The following ESPNL variants were observed in gnomAD, a reference collection of about 807,000 sequenced individuals.
ESPNL encodes espin-like protein.
In ESPNL, 49 loss-of-function variants were observed where a neutral mutation model predicts 46.8. That is an observed-to-expected ratio of 1.05 (90% CI 0.83 to 1.33). The LOEUF (loss-of-function observed/expected upper bound fraction) is 1.33, where lower values mean the gene tolerates loss of function less well. Ranked by LOEUF, ESPNL falls within the 40% of genes most tolerant of loss-of-function variation. The pLI is 0.00. For synonymous variants in ESPNL, 664 were observed against 662.1 expected (o/e 1.00, Z -0.04); for missense variants, 1,540 against 1,436.6 (o/e 1.07, Z -1.16).
intron 3 of ESPNL, among the ~76,000 whole-genome samples, chr2:238,106,344 CG>C (rs1691598806): frequency 1.3e-5 from 2 of 152,164 alleles, no homozygotes; most frequent in Admixed American, 1.3e-4. Context: ...ACCGTGTCCC[CG>C]GGCGCTCGGG....
chr2:238,106,111 C>T (rs973435264), intron 3 of ESPNL, among the ~76,000 whole-genome samples: 3 of 152,232 alleles, frequency 2.0e-5, no homozygotes, highest in Non-Finnish European at 4.4e-5. Context: ...TGACTCCTGG[C>T]CTTGGTGGTG....
At chr2:238,120,033 T>G (rs755481113) in intron 5 of ESPNL, among the ~76,000 whole-genome samples, 1 of 152,186 alleles carries the variant, frequency 6.6e-6, no homozygotes. Flanking sequence ...TTTTCCCTGG[T>G]GCAGCAGTTT....
At chr2:238,106,133 C>A (rs2106465283) in intron 3 of ESPNL, among the ~76,000 whole-genome samples, 1 of 152,354 alleles carries the variant, frequency 6.6e-6, no homozygotes, top group South Asian at 2.1e-4. Context: ...TTTCCACCAG[C>A]CGGCGTGTAG....
chr2:238,118,325 TGG>T (rs1691868436), intron 5 of ESPNL, among the ~76,000 whole-genome samples: 1 of 70,702 alleles, frequency 1.4e-5, no homozygotes, highest in African/African-American at 5.2e-5. Context: ...GGAGGGTGGG[TGG>T]AGAAGGTGGA....
rs141605283 is a variant in ESPNL at position 238,127,807 on chromosome 2, C to A, written c.1215+73C>A. ...CCTCCATTCCCATCCTCTTAGGGGCCCAGAGAAGCCCCCAGCACAGCCAGG... is the reference window on the plus strand; with the variant it reads ...CCTCCATTCCCATCCTCTTAGGGGCACAGAGAAGCCCCCAGCACAGCCAGG... On this transcript the variant is annotated intron_variant, in intron 7 of 8. Coordinates refer to ENST00000343063, the MANE Select transcript of ESPNL (RefSeq NM_194312.4). 9.3e-4 allele frequency: 1,086 copies of A among 1,166,094 alleles called. 7 individuals carry two copies. The African/African-American group carries it at 0.012, about 13-fold the overall frequency. The allele number at this position is 1,166,094 out of a possible 1,614,324, so 72.2% of individuals were successfully genotyped here.
At chr2:238,119,543 GAGGAGGTGGATGA>G (rs1559264082) in intron 5 of ESPNL, among the ~76,000 whole-genome samples, 1 of 119,202 alleles carries the variant, frequency 8.4e-6, no homozygotes, top group East Asian at 3.0e-4. Context: ...GAGGTGGATG[GAGGAGGTGGATGA>G]AGGAGGAATG....
At chr2:238,125,154 C>T (rs1018967671) in intron 5 of ESPNL, 116 bp from the exon 6 acceptor site, 3 of 535,458 alleles carry the variant, frequency 5.6e-6, no homozygotes, top group Non-Finnish European at 1.0e-5. Context: ...CTGTCCCAGC[C>T]CTTCTCAGAT....
chr2:238,129,073 A>G (rs1692216363), intron 8 of ESPNL, 169 bp downstream of exon 8: 3 of 1,429,500 alleles, frequency 2.1e-6, no homozygotes, highest in South Asian at 3.0e-5. Flanking sequence ...GAACCTGACC[A>G]GAGGACTCTG....
At chr2:238,104,234 G>A (rs1017910313) in intron 2 of ESPNL, among the ~76,000 whole-genome samples, 8 of 152,228 alleles carry the variant, frequency 5.3e-5, no homozygotes, top group East Asian at 1.9e-4. Context: ...CCTCCACGCC[G>A]CCACTGTGAC....
chr2:238,101,711 AG>A (rs1691482000), intron 1 of ESPNL, among the ~76,000 whole-genome samples: 1 of 152,176 alleles, frequency 6.6e-6, no homozygotes, highest in Admixed American at 6.5e-5. Context: ...GGGTTGCCAG[AG>A]GTGGCCTCCC....
chr2:238,108,030 T>G, intron 4 of ESPNL, 57 bp downstream of exon 4: 1 of 1,514,112 alleles, frequency 6.6e-7, no homozygotes, highest in Non-Finnish European at 9.0e-7. Flanking sequence ...CCATGCCCAG[T>G]GCTGTGTCAC....
Position 238,130,115 on chromosome 2 carries a change from T to C in ESPNL, c.1414-13T>C, listed in dbSNP as rs1206177023. ...TGGGCTCACCCTGCTCACCCTGCCC[T>C]TCCTGTGCCCAGGACAATGGTGGGA... On this transcript the variant is annotated splice_polypyrimidine_tract_variant and intron_variant, in intron 8 of 8. Coordinates refer to ENST00000343063, the MANE Select transcript of ESPNL (RefSeq NM_194312.4). The C allele has an allele frequency of 6.2e-7, 1 of 1,600,538 alleles. No individual in the cohort carries two copies. Among genetic ancestry groups the C allele is most frequent in the Non-Finnish European group, 8.5e-7 (1 of 1,171,202 alleles).
intron 6 of ESPNL, among the ~76,000 whole-genome samples, chr2:238,126,944 TCA>T: frequency 6.7e-5 from 3 of 44,616 alleles, no homozygotes; most frequent in Non-Finnish European, 5.2e-5. Context: ...ATTGTGTGTG[TCA>T]CTGTTATTGT....
At chr2:238,123,475 G>T (rs1031588764) in intron 5 of ESPNL, among the ~76,000 whole-genome samples, 1 of 152,110 alleles carries the variant, frequency 6.6e-6, no homozygotes, top group Non-Finnish European at 1.5e-5. Context: ...CCTCTGGGTG[G>T]TCTCTCTTCT....
chr2:238,125,409 C>T, intron 6 of ESPNL, 25 bp downstream of exon 6: 2 of 1,380,224 alleles, frequency 1.4e-6, no homozygotes, highest in East Asian at 2.8e-5. Context: ...CCAAGTGGGC[C>T]ACCCAGGGCA....
Position 238,127,652 on chromosome 2 carries a change from A to G in ESPNL, c.1133A>G (p.His378Arg), listed in dbSNP as rs753609167. The change falls in exon 7 of 9, where the codon CAT (histidine) becomes CGT (arginine). Residue 378 changes from histidine (H) to arginine (R), a missense_variant. Physicochemically the swap from His to Arg is conservative, Grantham distance 29. Coordinates refer to ENST00000343063, the MANE Select transcript of ESPNL (RefSeq NM_194312.4). ...TCCCTCAGCCCGGCCTGGCCTGGCCATCCTGACCAGCCTCTTCCCAGGGAG... is the reference window on the plus strand; with the variant it reads ...TCCCTCAGCCCGGCCTGGCCTGGCCGTCCTGACCAGCCTCTTCCCAGGGAG... ...PMSLSPAWPG[H>R]PDQPLPREQM... 1.9e-6 allele frequency: 3 copies of G among 1,611,574 alleles called. No homozygotes were observed. In the South Asian group the frequency reaches 3.3e-5, roughly 18 times the overall value.
chr2:238,116,262 C>A (rs894150015), intron 4 of ESPNL, among the ~76,000 whole-genome samples: 4 of 152,240 alleles, frequency 2.6e-5, no homozygotes, highest in African/African-American at 9.6e-5. Flanking sequence ...CCCTCCCCAG[C>A]TTCCTTCCCT....
At chr2:238,119,462 AAGGAGGAATGGATGGAGGAGGTGG>A (rs1691931605) in intron 5 of ESPNL, among the ~76,000 whole-genome samples, 1 of 79,802 alleles carries the variant, frequency 1.3e-5, no homozygotes, top group African/African-American at 5.7e-5. Flanking sequence ...AGGTTAGATG[AAGGAGGAATGGATGGAGGAGGTGG>A]ATGGAGGAGG....
At chr2:238,126,362 CTGTG>C (rs762480422) in intron 6 of ESPNL, among the ~76,000 whole-genome samples, 3 of 95,604 alleles carry the variant, frequency 3.1e-5, no homozygotes, top group Middle Eastern at 5.6e-3. Context: ...GTGATTGTGT[CTGTG>C]TGTGTCTTTG....
Sources: allele counts gnomAD v4.1 joint callset (sites outside exome capture counted in the v4.1 genomes callset), GRCh38; gene constraint gnomAD v4.1.1; transcripts MANE v1.5; gene names NCBI Gene and HGNC (gene_info 2026-07-23, HGNC 2026-07-21).